WARS2: variants seen among roughly 807,000 people sequenced by gnomAD.
The protein encoded by WARS2 is tryptophan--tRNA ligase, mitochondrial.
WARS2 carries 28 observed loss-of-function variants against 36.5 expected under a neutral mutation model. That is an observed-to-expected ratio of 0.77 (90% CI 0.57 to 1.05). WARS2 has a LOEUF of 1.05. Ranked by LOEUF, WARS2 falls within the 50% of genes least tolerant of loss-of-function variation. The pLI, the probability that WARS2 is intolerant of heterozygous loss-of-function variation, is 0.00. For missense variants in WARS2, 435 were observed against 456.8 expected (o/e 0.95, Z 0.44); for synonymous variants, 174 against 178.4 (o/e 0.98, Z 0.20).
chr1:119,067,337 T>C (rs1175044071), intron 2 of WARS2, among the ~76,000 whole-genome samples: 1 of 152,160 alleles, frequency 6.6e-6, no homozygotes, highest in Non-Finnish European at 1.5e-5. Context: ...AGCAGAAAAG[T>C]TTCTATTATA....
At chr1:119,034,005 G>T in intron 5 of WARS2, 90 bp downstream of exon 5, 2 of 1,117,048 alleles carry the variant, frequency 1.8e-6, no homozygotes, top group East Asian at 4.9e-5. Flanking sequence ...GAAAGCTGAG[G>T]TTAGTCCCAA....
intron 2 of WARS2, among the ~76,000 whole-genome samples, chr1:119,069,090 TC>T (rs1292648654): frequency 6.6e-6 from 1 of 152,154 alleles, no homozygotes; most frequent in East Asian, 1.9e-4. Flanking sequence ...CATAGCTAAA[TC>T]CTTTCCCTAT....
intron 2 of WARS2, among the ~76,000 whole-genome samples, chr1:119,065,952 G>A (rs1442526568): frequency 1.3e-5 from 2 of 152,034 alleles, no homozygotes; most frequent in Non-Finnish European, 1.5e-5. Flanking sequence ...TAAATAAAAT[G>A]TGACAGAATT....
chr1:119,106,573 G>A (rs587672831), intron 1 of WARS2, among the ~76,000 whole-genome samples: 21 of 152,106 alleles, frequency 1.4e-4, no homozygotes, highest in South Asian at 8.3e-4. Context: ...AATATGTAGC[G>A]TTTTCTGATT....
rs147683076 is a variant in WARS2, at chr1:119,044,588, A to T, written c.429+994T>A. ...GCTAGGTGGCTTATAAACAACAGAA[A>T]TTTATGTCTCATAGTTCTGGAGGCT... is the stretch of plus-strand genomic sequence containing the variant. On this transcript the variant is annotated intron_variant, in intron 3 of 5. Transcript: ENST00000235521. 9.2e-5 allele frequency among the ~76,000 whole-genome samples: 14 copies of T among 152,338 alleles called. No homozygotes were observed. In the East Asian group the frequency reaches 2.3e-3, roughly 25 times the overall value.
At chr1:119,056,011 C>CTT (rs35376461) in intron 2 of WARS2, among the ~76,000 whole-genome samples, 3,413 of 127,162 alleles carry the variant, frequency 0.027, 222 homozygotes, top group African/African-American at 0.094. Flanking sequence ...CATACCATAA[C>CTT]TTTTTTTTTT....
intron 2 of WARS2, among the ~76,000 whole-genome samples, chr1:119,065,497 T>C (rs1364470877): frequency 2.0e-5 from 3 of 151,142 alleles, no homozygotes; most frequent in Admixed American, 6.6e-5. Flanking sequence ...TTAGCTGGCA[T>C]GGTGGTGGGC....
intron 2 of WARS2, among the ~76,000 whole-genome samples, chr1:119,050,902 T>C (rs773099201): frequency 3.3e-5 from 5 of 152,100 alleles, no homozygotes; most frequent in Non-Finnish European, 7.4e-5. Flanking sequence ...AGGGAAAGAA[T>C]TGAAGGAACC....
chr1:119,093,397 A>C (rs770051517), intron 1 of WARS2, among the ~76,000 whole-genome samples: 2 of 151,404 alleles, frequency 1.3e-5, no homozygotes, highest in Non-Finnish European at 1.5e-5. Flanking sequence ...TCCAAAATTC[A>C]TGTCTACCTA....
rs1487646159 is a variant in WARS2, at chr1:119,076,517, T to C, written c.181A>G (p.Arg61Gly). 3.1e-6 allele frequency: 5 copies of C among 1,614,176 alleles called. No homozygotes were observed. The highest frequency in any genetic ancestry group is 4.2e-6 in the Non-Finnish European group (5 of 1,180,022). ...NYLGAIESWVRLQDEYDSVLY... is the reference protein window; with the variant it reads ...NYLGAIESWVGLQDEYDSVLY... ...ACAGAGTCATATTCATCCTGTAACC[T>C]CACCCAGCTCTCAATGGCTCCCAGG... Residue 61 changes from arginine to glycine, a missense_variant, in exon 2 of 6, where the codon AGG becomes GGG. By Grantham distance (125) the Arg-to-Gly change is moderately radical. Coordinates refer to ENST00000235521, the MANE Select transcript of WARS2 (RefSeq NM_015836.4).
At chr1:119,077,150 G>GAAAAAAAAAAAAAAAA (rs1427699692) in intron 1 of WARS2, among the ~76,000 whole-genome samples, 1 of 54,314 alleles carries the variant, frequency 1.8e-5, no homozygotes, top group Non-Finnish European at 4.0e-5. Context: ...AAAAAAAAAG[G>GAAAAAAAAAAAAAAAA]AAAAGATCTG....
At position 119,033,243 on chromosome 1, in the gene WARS2, AT is replaced by A; in HGVS notation, c.750del (p.Lys250AsnfsTer6). On this transcript the variant is annotated frameshift_variant, in exon 6 of 6. Coordinates refer to ENST00000235521, the MANE Select transcript of WARS2 (RefSeq NM_015836.4). LOFTEE classifies it high-confidence loss of function. ...GTGAAGTCTGTCACAGCCTTGCGGA[AT>A]TTCTGCACTATCTCCTCTGGGCTGT... is the stretch of plus-strand genomic sequence containing the variant. ...ITDSPEEIVQ[K>X]FRKAVTDFTS... is the part of the protein sequence containing the mutation. 6.2e-7 allele frequency: 1 copy of A among 1,614,220 alleles called. No individual in the cohort carries two copies. Among genetic ancestry groups the A allele is most frequent in the Non-Finnish European group, 8.5e-7 (1 of 1,180,034 alleles).
chr1:119,073,864 T>G (rs1388848716), intron 2 of WARS2, among the ~76,000 whole-genome samples: 1 of 152,156 alleles, frequency 6.6e-6, no homozygotes, highest in African/African-American at 2.4e-5. Flanking sequence ...TGAAAAAAAA[T>G]TATACTATGG....
At chr1:119,077,382 G>C (rs1447759530) in intron 1 of WARS2, among the ~76,000 whole-genome samples, 2 of 151,946 alleles carry the variant, frequency 1.3e-5, no homozygotes, top group Non-Finnish European at 2.9e-5. Flanking sequence ...GGGCCTCAAG[G>C]GTTTTTCATG....
At chr1:119,131,983 A>C (rs1331698961) in intron 1 of WARS2, among the ~76,000 whole-genome samples, 1 of 152,140 alleles carries the variant, frequency 6.6e-6, no homozygotes, top group Non-Finnish European at 1.5e-5. Flanking sequence ...GTTGTTGGAT[A>C]GAATTATATA....
At chr1:119,132,733 C>G (rs1459448542) in intron 1 of WARS2, among the ~76,000 whole-genome samples, 1 of 152,070 alleles carries the variant, frequency 6.6e-6, no homozygotes, top group Non-Finnish European at 1.5e-5. Flanking sequence ...TCATGAGAAG[C>G]CCTTTGTTTG....
At chr1:119,056,003 T>C (rs1649759893) in intron 2 of WARS2, among the ~76,000 whole-genome samples, 1 of 147,842 alleles carries the variant, frequency 6.8e-6, no homozygotes, top group South Asian at 2.1e-4. Context: ...GAAAATTTCA[T>C]ACCATAACTT....
At chr1:119,060,095 A>C (rs939431850) in intron 2 of WARS2, among the ~76,000 whole-genome samples, 3 of 152,198 alleles carry the variant, frequency 2.0e-5, no homozygotes, top group African/African-American at 7.2e-5. Context: ...AAAGTTTAAA[A>C]GATAACATAT....
At chr1:119,072,683 T>A (rs2101291031) in intron 2 of WARS2, among the ~76,000 whole-genome samples, 1 of 152,196 alleles carries the variant, frequency 6.6e-6, no homozygotes, top group East Asian at 1.9e-4. Context: ...TAAAAGTCAT[T>A]TTTGGGAGAG....
Sources: gnomAD v4.1 joint callset for allele counts (sites outside exome capture counted in the v4.1 genomes callset) on GRCh38, gnomAD v4.1.1 for gene constraint, MANE v1.5 for transcripts, NCBI Gene and HGNC (gene_info 2026-07-23, HGNC 2026-07-21) for gene names.